SPTLC3: variants seen among roughly 807,000 people sequenced by gnomAD.
SPTLC3 encodes the protein serine palmitoyltransferase long chain base subunit 3.
A neutral mutation model predicts 59.3 loss-of-function variants in SPTLC3; 36 were observed. The observed-to-expected ratio is 0.61, with a 90% CI of 0.47 to 0.80. The LOEUF is 0.80. Among genes scored for constraint, SPTLC3 ranks in the 30% least tolerant of loss-of-function variants. The probability of loss-of-function intolerance (pLI) is 0.00; values close to 1 mark genes in which losing one functional copy is unlikely to be tolerated. For missense variants in SPTLC3, 625 were observed against 685.1 expected (o/e 0.91, Z 0.98); for synonymous variants, 257 against 240.8 (o/e 1.07, Z -0.62).
rs147082876 is a variant in SPTLC3, at chr20:13,118,604, C to T, written c.1152+879C>T. ...GAGGATAGCCTTGTCCAAATTCTGA[C>T]ACCTATCTCAGACAAACCTACACCT... On this transcript the variant is annotated intron_variant, in intron 8 of 11. Coordinates refer to ENST00000399002, the MANE Select transcript of SPTLC3 (RefSeq NM_018327.4). Among the ~76,000 whole-genome samples the T allele has an allele frequency of 5.0e-3, 754 of 152,264 alleles. 7 individuals are homozygous for T. Among genetic ancestry groups the T allele is most frequent in the African/African-American group, 0.018 (729 of 41,566 alleles).
chr20:13,113,010 C>T (rs548752133), intron 7 of SPTLC3, among the ~76,000 whole-genome samples: 1 of 152,178 alleles, frequency 6.6e-6, no homozygotes, highest in East Asian at 1.9e-4. Flanking sequence ...GGGTGAAACC[C>T]CACCTCTACT....
At chr20:13,041,371 A>C (rs1232469402) in intron 1 of SPTLC3, among the ~76,000 whole-genome samples, 1 of 151,928 alleles carries the variant, frequency 6.6e-6, no homozygotes, top group African/African-American at 2.4e-5. Context: ...TTCCAGTTTA[A>C]ATCTGCTATT....
intron 7 of SPTLC3, among the ~76,000 whole-genome samples, chr20:13,114,078 T>C (rs1990398937): frequency 6.6e-6 from 1 of 152,166 alleles, no homozygotes; most frequent in Non-Finnish European, 1.5e-5. Flanking sequence ...GGACAAAGGC[T>C]CAATGTAAAT....
chr20:13,028,571 T>C (rs922935298), intron 1 of SPTLC3, among the ~76,000 whole-genome samples: 3 of 152,240 alleles, frequency 2.0e-5, no homozygotes, highest in Admixed American at 2.0e-4. Context: ...TATACTTATA[T>C]GTTACACATA....
rs34511643 is a variant in SPTLC3 at position 13,165,099 on chromosome 20, T to TACACAC, written c.*249_*254dup. On this transcript the variant is annotated 3_prime_UTR_variant, in exon 12 of 12. Coordinates refer to ENST00000399002, the MANE Select transcript of SPTLC3 (RefSeq NM_018327.4). Reference sequence around the variant, plus strand: ...CTTCTTCCAAGTATTCTACTAGAAATACACACACACACACACACACACTTC... The same window carrying TACACAC: ...CTTCTTCCAAGTATTCTACTAGAAATACACACACACACACACACACACACACACTTC... 9.2e-3 allele frequency: 3,455 copies of TACACAC among 374,498 alleles called. 21 individuals carry two copies. The highest frequency in any genetic ancestry group is 0.018 in the Middle Eastern group (25 of 1,356). The allele number at this position is 374,498 out of a possible 1,614,324, so 23.2% of individuals were successfully genotyped here.
chr20:13,159,130 T>C (rs1287126021), intron 10 of SPTLC3, among the ~76,000 whole-genome samples: 1 of 152,192 alleles, frequency 6.6e-6, no homozygotes, highest in African/African-American at 2.4e-5. Flanking sequence ...GCCTTTGAGC[T>C]TGATATTCTA....
chr20:13,020,954 G>T (rs1985850183), intron 1 of SPTLC3, among the ~76,000 whole-genome samples: 3 of 152,114 alleles, frequency 2.0e-5, no homozygotes, highest in Admixed American at 2.0e-4. Context: ...ACATTAGCCT[G>T]CAGTCACCTC....
At chr20:13,135,686 T>C (rs1231389810) in intron 9 of SPTLC3, among the ~76,000 whole-genome samples, 1 of 152,234 alleles carries the variant, frequency 6.6e-6, no homozygotes, top group Admixed American at 6.5e-5. Flanking sequence ...TCTTTCAAAA[T>C]ACAACACTTA....
At chr20:13,074,547 C>G (rs1471222094) in intron 4 of SPTLC3, 50 bp downstream of exon 4, 2 of 1,557,366 alleles carry the variant, frequency 1.3e-6, no homozygotes, top group Non-Finnish European at 1.7e-6. Flanking sequence ...TCTCAGATTC[C>G]TTGTGTCTGT....
At chr20:13,144,679 G>T (rs2038464216) in intron 9 of SPTLC3, among the ~76,000 whole-genome samples, 1 of 152,230 alleles carries the variant, frequency 6.6e-6, no homozygotes, top group Non-Finnish European at 1.5e-5. Flanking sequence ...ACACACCACA[G>T]TTACCCAGTG....
intron 10 of SPTLC3, 127 bp from the exon 11 acceptor site, chr20:13,159,876 C>T (rs2038856823): frequency 7.8e-7 from 1 of 1,284,416 alleles, no homozygotes. Flanking sequence ...TCATCTTCCA[C>T]TTATTATCAT....
intron 9 of SPTLC3, among the ~76,000 whole-genome samples, chr20:13,150,744 CT>C: frequency 6.6e-6 from 1 of 152,286 alleles, no homozygotes; most frequent in South Asian, 2.1e-4. Flanking sequence ...CCAGCCTCAT[CT>C]TGTCCCAGCT....
chr20:13,086,102 G>A (rs145763583), intron 4 of SPTLC3, among the ~76,000 whole-genome samples: 44 of 152,176 alleles, frequency 2.9e-4, no homozygotes, highest in Middle Eastern at 3.4e-3. Context: ...TTATAACTAC[G>A]CTTTCTTAGG....
intron 1 of SPTLC3, among the ~76,000 whole-genome samples, chr20:13,047,757 C>T (rs933310409): frequency 6.6e-6 from 1 of 152,032 alleles, no homozygotes; most frequent in African/African-American, 2.4e-5. Context: ...ATTTTTTAAA[C>T]TTTTTACTAT....
At chr20:13,070,689 C>T (rs895682191) in intron 2 of SPTLC3, among the ~76,000 whole-genome samples, 8 of 152,296 alleles carry the variant, frequency 5.3e-5, no homozygotes, top group Non-Finnish European at 7.4e-5. Context: ...AAGCTTCCCA[C>T]TGTCTGTGCC....
At chr20:13,015,052 T>C (rs1300265403) in intron 1 of SPTLC3, among the ~76,000 whole-genome samples, 1 of 152,134 alleles carries the variant, frequency 6.6e-6, no homozygotes, top group Non-Finnish European at 1.5e-5. Context: ...ATACGGTTTC[T>C]CCCAAACTGT....
rs2038768433 is a variant in SPTLC3 at position 13,156,362 on chromosome 20, AATGC to A, written c.1415+2228_1415+2231del. 2.6e-5 allele frequency among the ~76,000 whole-genome samples: 4 copies of A among 152,320 alleles called. No individual in the cohort carries two copies. The South Asian group carries it at 8.3e-4, about 32-fold the overall frequency. On this transcript the variant is annotated intron_variant, in intron 10 of 11. Transcript: ENST00000399002. ...GAAGAGTCCGTAAGTAGTGAAAACA[AATGC>A]ATGTAACTTCAAGAATTCACACAAT...
At chr20:13,145,061 C>T (rs1037136914) in intron 9 of SPTLC3, among the ~76,000 whole-genome samples, 1 of 151,988 alleles carries the variant, frequency 6.6e-6, no homozygotes, top group African/African-American at 2.4e-5. Flanking sequence ...AGGTGTGAGC[C>T]ACCGCACCTG....
rs55633710 is a variant in SPTLC3 at position 13,168,180 on chromosome 20, CTTTT to C, written c.*3327_*3330del. The C allele has an allele frequency of 5.0e-5, 7 of 140,308 alleles. No individual in the cohort carries two copies. The highest frequency in any genetic ancestry group is 7.9e-5 in the African/African-American group (3 of 37,822). The allele number at this position is 140,308 out of a possible 1,614,324, so 8.7% of individuals were successfully genotyped here. A position where few individuals can be genotyped will look rare whatever the true frequency, so the allele number is the denominator to read the frequency against. On this transcript the variant is annotated 3_prime_UTR_variant, in exon 12 of 12. Coordinates refer to ENST00000399002, the MANE Select transcript of SPTLC3 (RefSeq NM_018327.4). Reference sequence around the variant, plus strand: ...TGTGGTATCTTTCTTTTCTTTCTTTCTTTTTTTTTTTTTTTTTGAGACAGAGTTT... The same window carrying C: ...TGTGGTATCTTTCTTTTCTTTCTTTCTTTTTTTTTTTTTGAGACAGAGTTT...
Sources: gnomAD v4.1 joint callset for allele counts (sites outside exome capture counted in the v4.1 genomes callset) on GRCh38, gnomAD v4.1.1 for gene constraint, MANE v1.5 for transcripts, NCBI Gene and HGNC (gene_info 2026-07-23, HGNC 2026-07-21) for gene names.